The following MYRIP variants were observed in gnomAD, a reference collection of about 807,000 sequenced individuals.
MYRIP encodes rab effector MyRIP.
MYRIP carries 49 observed loss-of-function variants against 98.0 expected under a neutral mutation model. That is an observed-to-expected ratio of 0.50 (90% CI 0.40 to 0.63). The LOEUF is 0.63. Among genes scored for constraint, MYRIP ranks in the 30% least tolerant of loss-of-function variants. The pLI is 0.00. For missense variants in MYRIP, 1,004 were observed against 1,058.2 expected (o/e 0.95, Z 0.71); for synonymous variants, 404 against 409.5 (o/e 0.99, Z 0.16).
intron 1 of MYRIP, among the ~76,000 whole-genome samples, chr3:39,888,694 T>G (rs1187297684): frequency 1.3e-5 from 2 of 152,058 alleles, no homozygotes; most frequent in African/African-American, 4.8e-5. Flanking sequence ...CTAATTAAAC[T>G]AAAGAACTTC....
chr3:40,057,197 T>G (rs977633304), intron 3 of MYRIP, among the ~76,000 whole-genome samples: 6 of 151,972 alleles, frequency 3.9e-5, no homozygotes, highest in African/African-American at 1.5e-4. Flanking sequence ...TAGATTCTGG[T>G]AAGCTCCAGA....
At chr3:40,005,744 G>A (rs1946618371) in intron 2 of MYRIP, among the ~76,000 whole-genome samples, 1 of 152,120 alleles carries the variant, frequency 6.6e-6, no homozygotes, top group African/African-American at 2.4e-5. Flanking sequence ...TGTCTATAAT[G>A]TATTTTGCAA....
Position 40,166,853 on chromosome 3 carries a change from T to C in MYRIP, c.558T>C (p.Ser186=), listed in dbSNP as rs767020850. 6.2e-7 allele frequency: 1 copy of C among 1,609,100 alleles called. No individual in the cohort carries two copies. The highest frequency in any genetic ancestry group is 2.2e-5 in the East Asian group (1 of 44,838). ...GTTCTGTTTCCTGTCTAGGACATAGTGTGATGGACACCTTGGCTGTGGCCC... is the reference window on the plus strand; with the variant it reads ...GTTCTGTTTCCTGTCTAGGACATAGCGTGATGGACACCTTGGCTGTGGCCC... ...STFYRQSEGH[S]VMDTLAVALR... The change falls in exon 6 of 17, where the codon AGT becomes AGC. Residue 186 remains serine (S), a synonymous_variant. Coordinates refer to ENST00000302541, the MANE Select transcript of MYRIP (RefSeq NM_015460.4).
intron 3 of MYRIP, among the ~76,000 whole-genome samples, chr3:40,098,700 C>T (rs1948877248): frequency 6.7e-6 from 1 of 150,346 alleles, no homozygotes; most frequent in African/African-American, 2.4e-5. Flanking sequence ...ATTCTGTCCC[C>T]TTCTCTTCTG....
intron 3 of MYRIP, among the ~76,000 whole-genome samples, chr3:40,114,400 C>T (rs2125904681): frequency 6.6e-6 from 1 of 152,280 alleles, no homozygotes; most frequent in Middle Eastern, 3.4e-3. Flanking sequence ...CTCACAATGA[C>T]AAAATTGCCT....
At chr3:39,828,784 C>A (rs969750877) in intron 1 of MYRIP, among the ~76,000 whole-genome samples, 1 of 152,154 alleles carries the variant, frequency 6.6e-6, no homozygotes, top group Non-Finnish European at 1.5e-5. Flanking sequence ...CTAATCTCAT[C>A]CAGGCCATTG....
chr3:39,872,193 T>C (rs1305549306), intron 1 of MYRIP, among the ~76,000 whole-genome samples: 2 of 152,220 alleles, frequency 1.3e-5, no homozygotes, highest in African/African-American at 4.8e-5. Flanking sequence ...AATACTTACA[T>C]AGAGAAATGT....
rs1330989215 is a variant in MYRIP at position 40,258,861 on chromosome 3, A to G, written c.*695A>G. On this transcript the variant is annotated 3_prime_UTR_variant, in exon 17 of 17. Transcript: ENST00000302541. ...TGCCATGCCCAGGGCTATCTGAAAC[A>G]ATGTCTCATTAAGAATTTAGGGTTC... 1 of 152,338 alleles carries G rather than the reference A, an allele frequency of 6.6e-6. No homozygotes were observed. The highest frequency in any genetic ancestry group is 6.5e-5 in the Admixed American group (1 of 15,302). 9.4% of individuals were successfully genotyped at this position (152,338 alleles called of 1,614,324 possible).
chr3:40,243,743 T>C (rs547742843), intron 12 of MYRIP, among the ~76,000 whole-genome samples: 13 of 152,328 alleles, frequency 8.5e-5, no homozygotes, highest in Non-Finnish European at 1.6e-4. Flanking sequence ...CCTTGCTCAC[T>C]TTTATGGGAA....
intron 1 of MYRIP, among the ~76,000 whole-genome samples, chr3:39,870,688 T>TA (rs1474193589): frequency 1.3e-5 from 2 of 152,182 alleles, no homozygotes; most frequent in Non-Finnish European, 2.9e-5. Context: ...ATTTCTAGAT[T>TA]AAAAAATAAC....
intron 8 of MYRIP, among the ~76,000 whole-genome samples, chr3:40,176,896 C>A (rs1335751198): frequency 1.1e-4 from 15 of 136,662 alleles, no homozygotes; most frequent in South Asian, 2.3e-4. Flanking sequence ...GCAACAAGAG[C>A]AAACTCCATC....
chr3:40,186,397 G>A (rs944681055), intron 9 of MYRIP, among the ~76,000 whole-genome samples: 2 of 152,172 alleles, frequency 1.3e-5, no homozygotes, highest in African/African-American at 4.8e-5. Flanking sequence ...AGGGAGGGGA[G>A]TAGAAATGTG....
intron 13 of MYRIP, among the ~76,000 whole-genome samples, chr3:40,245,747 A>G (rs1255227399): frequency 1.0e-5 from 1 of 95,854 alleles, no homozygotes; most frequent in Non-Finnish European, 1.9e-5. Flanking sequence ...TGGTTTGCTG[A>G]TTTTTTTTTT....
chr3:39,835,781 C>A (rs11709548), intron 1 of MYRIP, among the ~76,000 whole-genome samples: 30,152 of 151,926 alleles, frequency 0.2, 3,106 homozygotes, highest in South Asian at 0.29. Flanking sequence ...GTGTGATATT[C>A]CCCTCCCTGT....
At chr3:40,010,064 A>G (rs1946726526) in intron 2 of MYRIP, among the ~76,000 whole-genome samples, 1 of 152,218 alleles carries the variant, frequency 6.6e-6, no homozygotes, top group Non-Finnish European at 1.5e-5. Flanking sequence ...AGAGGGTCCT[A>G]GGCAGATGGC....
At chr3:40,106,993 T>C (rs749559602) in intron 3 of MYRIP, among the ~76,000 whole-genome samples, 26 of 152,222 alleles carry the variant, frequency 1.7e-4, no homozygotes, top group Non-Finnish European at 1.0e-4. Context: ...GTCTATTAAA[T>C]AGAAGCTAAA....
chr3:39,934,703 T>C (rs75758637), intron 2 of MYRIP, among the ~76,000 whole-genome samples: 5,574 of 152,288 alleles, frequency 0.037, 340 homozygotes, highest in African/African-American at 0.13. Context: ...GACTGACTTA[T>C]TCTTTCTAAA....
chr3:39,809,414 C>G (rs1389064854), upstream of MYRIP, among the ~76,000 whole-genome samples: 1 of 148,160 alleles, frequency 6.7e-6, no homozygotes, highest in Non-Finnish European at 1.5e-5. Context: ...CGGCGCGTGC[C>G]GCCCGCGCGC....
At chr3:40,110,388 A>AGAGG (rs1388946123) in intron 3 of MYRIP, among the ~76,000 whole-genome samples, 1 of 152,272 alleles carries the variant, frequency 6.6e-6, no homozygotes, top group African/African-American at 2.4e-5. Flanking sequence ...AGTCTAGTTT[A>AGAGG]GAGGCAAGAG....
Sources: allele counts gnomAD v4.1 joint callset (sites outside exome capture counted in the v4.1 genomes callset), GRCh38; gene constraint gnomAD v4.1.1; transcripts MANE v1.5; gene names NCBI Gene and HGNC (gene_info 2026-07-23, HGNC 2026-07-21).